ERCC6: variants seen among roughly 807,000 people sequenced by gnomAD.
ERCC6 encodes ERCC excision repair 6, chromatin remodeling factor, also known as DNA excision repair protein ERCC-6.
ERCC6 carries 116 observed loss-of-function variants against 158.7 expected under a neutral mutation model. That is an observed-to-expected ratio of 0.73 (90% confidence interval 0.63 to 0.85). The LOEUF (loss-of-function observed/expected upper bound fraction) is 0.85. Among genes scored for constraint, ERCC6 ranks in the 40% least tolerant of loss-of-function variants. The pLI is 0.00. For missense variants in ERCC6, 1,698 were observed against 1,799.4 expected (o/e 0.94, Z 1.02); for synonymous variants, 678 against 659.3 (o/e 1.03, Z -0.43).
chr10:49,476,331 G>A, intron 11 of ERCC6, 21 bp from the exon 12 acceptor site: 1 of 1,540,334 alleles, frequency 6.5e-7, no homozygotes, highest in Non-Finnish European at 9.0e-7. Context: ...GAAAAACAAG[G>A]AAACTATAAT....
chr10:49,523,938 A>G lies in ERCC6; in HGVS notation c.1397+95T>C, dbSNP rs552646672. The G allele has an allele frequency of 1.1e-5, 17 of 1,557,022 alleles. No individual in the cohort carries two copies. In the African/African-American group the frequency reaches 1.9e-4, roughly 17 times the overall value. On this transcript the variant is annotated intron_variant, in intron 5 of 20. Coordinates refer to ENST00000355832, the MANE Select transcript of ERCC6 (RefSeq NM_000124.4). ...CTCTGTATAATCGGGGGGGTCTAAT[A>G]TATTAAGCTGGATCTAGAATGCTTA...
intron 10 of ERCC6, 49 bp downstream of exon 10, chr10:49,482,638 G>T: frequency 6.6e-7 from 1 of 1,523,846 alleles, no homozygotes; most frequent in Non-Finnish European, 9.1e-7. Flanking sequence ...TTTAATAGGA[G>T]CACTTTAAAT....
At chr10:49,441,418 C>T in the ERCC6 span, among the ~76,000 whole-genome samples, 1 of 152,162 alleles carries the variant, frequency 6.6e-6, no homozygotes, top group South Asian at 2.1e-4. Flanking sequence ...AGGGGCCTCC[C>T]TCTCAATACA....
At chr10:49,525,063 T>C (rs1477336945) in intron 4 of ERCC6, 1 of 547,082 alleles carries the variant, frequency 1.8e-6, no homozygotes, top group Admixed American at 3.6e-5. Context: ...TATTACTGTA[T>C]AAATACAGTT....
the ERCC6 span, among the ~76,000 whole-genome samples, chr10:49,444,496 C>T: frequency 2.0e-5 from 3 of 152,136 alleles, no homozygotes; most frequent in African/African-American, 7.2e-5. Flanking sequence ...TTTAGGAGAG[C>T]CCAGTGCATC....
At position 49,528,484 on chromosome 10, in the gene ERCC6, G is replaced by A. The variant is rs2132631506; in HGVS notation, c.585C>T (p.Leu195=). Reference sequence around the variant, plus strand: ...CCTCTGCTCCTCCAAGGATGGCCTGGAGATGCTTTTGTTTTGCAGTGATCT... The same window carrying A: ...CCTCTGCTCCTCCAAGGATGGCCTGAAGATGCTTTTGTTTTGCAGTGATCT... The part of the protein sequence containing the change: ...LKKITAKQKH[L]QAILGGAEVK... Residue 195 remains leucine (L), a synonymous_variant, in exon 4 of 21, where the codon CTC becomes CTT. Coordinates refer to ENST00000355832, the MANE Select transcript of ERCC6 (RefSeq NM_000124.4). 24 of 1,614,166 alleles carry A rather than the reference G, an allele frequency of 1.5e-5. No homozygotes were observed. The highest frequency in any genetic ancestry group is 1.9e-5 in the Non-Finnish European group (22 of 1,180,026).
rs1188268005 is a variant in ERCC6, at chr10:49,454,496, T to C, written c.*4319A>G. 6.6e-6 allele frequency among the ~76,000 whole-genome samples: 1 copy of C among 152,248 alleles called. No homozygotes were observed. Among genetic ancestry groups the C allele is most frequent in the Non-Finnish European group, 1.5e-5 (1 of 68,046 alleles). Reference sequence around the variant, plus strand: ...TTGGATTTTCTTGAATAAGCGTTACTTTATTCTACATGCTTTTAGGACAAT... The same window carrying C: ...TTGGATTTTCTTGAATAAGCGTTACCTTATTCTACATGCTTTTAGGACAAT... On this transcript the variant is annotated 3_prime_UTR_variant, in exon 21 of 21. Transcript: ENST00000355832.
downstream of ERCC6, among the ~76,000 whole-genome samples, chr10:49,452,015 C>T (rs1850426427): frequency 6.6e-6 from 1 of 152,014 alleles, no homozygotes; most frequent in Non-Finnish European, 1.5e-5. Flanking sequence ...TTTTATTGGT[C>T]AACCTAGTGA....
At chr10:49,487,977 A>C (rs1000889503) in intron 8 of ERCC6, among the ~76,000 whole-genome samples, 1 of 152,224 alleles carries the variant, frequency 6.6e-6, no homozygotes, top group Non-Finnish European at 1.5e-5. Context: ...TCAATCGCAG[A>C]ATTCTATAGC....
intron 8 of ERCC6, among the ~76,000 whole-genome samples, chr10:49,490,743 T>C (rs931774000): frequency 1.3e-5 from 2 of 152,210 alleles, no homozygotes; most frequent in Non-Finnish European, 2.9e-5. Context: ...AATTCTGGCA[T>C]TATTATTCTT....
At chr10:49,525,892 G>A (rs1837306512) in intron 4 of ERCC6, among the ~76,000 whole-genome samples, 1 of 151,522 alleles carries the variant, frequency 6.6e-6, no homozygotes, top group Non-Finnish European at 1.5e-5. Flanking sequence ...TGAACGCTAC[G>A]TAAGTGGAAA....
Position 49,471,051 on chromosome 10 carries a change from G to A in ERCC6, c.2994C>T (p.Ser998=), listed in dbSNP as rs748250898. The stretch of plus-strand genomic sequence containing the variant: ...GAGTAAATAGCTCATAGAGATCATT[G>A]GATTTGAAAAACCGCCTTTGTTTTG... The part of the protein sequence containing the change: ...KDPKQRRFFK[S]NDLYELFTLT... The change falls in exon 17 of 21, where the codon TCC becomes TCT. Residue 998 remains serine (S), a synonymous_variant. Coordinates refer to ENST00000355832, the MANE Select transcript of ERCC6 (RefSeq NM_000124.4). 1.2e-6 allele frequency: 2 copies of A among 1,613,866 alleles called. No individual in the cohort carries two copies. The highest frequency in any genetic ancestry group is 2.7e-5 in the African/African-American group (2 of 74,892).
chr10:49,516,691 G>C, intron 5 of ERCC6: 1 of 1,614,184 alleles, frequency 6.2e-7, no homozygotes, highest in Non-Finnish European at 8.5e-7. Context: ...ATTTCTGTGG[G>C]AGTTCTCATT....
the ERCC6 span, among the ~76,000 whole-genome samples, chr10:49,444,929 A>G: frequency 6.6e-6 from 1 of 152,242 alleles, no homozygotes; most frequent in African/African-American, 2.4e-5. Flanking sequence ...AATTGAAACC[A>G]GCAGTATATT....
chr10:49,443,244 T>C, the ERCC6 span, among the ~76,000 whole-genome samples: 1 of 152,208 alleles, frequency 6.6e-6, no homozygotes, highest in Non-Finnish European at 1.5e-5. Context: ...TAAGTGTTTA[T>C]AAACTGAGGT....
At chr10:49,464,172 G>C (rs187118196) in intron 18 of ERCC6, among the ~76,000 whole-genome samples, 5 of 152,346 alleles carry the variant, frequency 3.3e-5, no homozygotes, top group Admixed American at 1.3e-4. Flanking sequence ...AACTGAGGTG[G>C]TCTCAGACGG....
rs968883407 is a variant in ERCC6, at chr10:49,531,601, A to T, written c.423-761T>A. 2.6e-3 allele frequency among the ~76,000 whole-genome samples: 391 copies of T among 152,296 alleles called. 10 individuals are homozygous for T. The highest frequency in any genetic ancestry group is 0.025 in the Admixed American group (387 of 15,306). On this transcript the variant is annotated intron_variant, in intron 2 of 20. Coordinates refer to ENST00000355832, the MANE Select transcript of ERCC6 (RefSeq NM_000124.4). The stretch of plus-strand genomic sequence containing the variant: ...TGGAGAAAGAGGACACATTTCCAAG[A>T]TCAAATGTAAAAGTATCATTACAAA...
At chr10:49,444,153 C>A in the ERCC6 span, among the ~76,000 whole-genome samples, 1 of 152,214 alleles carries the variant, frequency 6.6e-6, no homozygotes, top group East Asian at 1.9e-4. Flanking sequence ...ATGCAGAGAC[C>A]TTTGTCTACC....
intron 5 of ERCC6, chr10:49,515,600 A>G: frequency 6.2e-7 from 1 of 1,614,082 alleles, no homozygotes; most frequent in Non-Finnish European, 8.5e-7. Flanking sequence ...GTTTCTCATC[A>G]TATGTTTTAT....
Sources: allele counts gnomAD v4.1 joint callset (sites outside exome capture counted in the v4.1 genomes callset), GRCh38; gene constraint gnomAD v4.1.1; transcripts MANE v1.5; gene names NCBI Gene and HGNC (gene_info 2026-07-23, HGNC 2026-07-21).